The following KHDRBS2 variants were observed in gnomAD, a reference collection of about 807,000 sequenced individuals.
KHDRBS2 encodes KH domain-containing, RNA-binding, signal transduction-associated protein 2.
Under a neutral mutation model 44.3 loss-of-function variants are expected in KHDRBS2, and 26 were observed. The observed-to-expected ratio is 0.59, with a 90% CI of 0.43 to 0.81. The LOEUF (loss-of-function observed/expected upper bound fraction) is 0.81, where lower values mean the gene tolerates loss of function less well. KHDRBS2 is among the 40% of genes least tolerant of loss of function. The pLI is 0.00. For missense variants in KHDRBS2, 476 were observed against 433.1 expected (o/e 1.10, Z -0.88); for synonymous variants, 194 against 151.1 (o/e 1.28, Z -2.08).
the KHDRBS2 span, among the ~76,000 whole-genome samples, chr6:61,566,741 CT>C: frequency 6.6e-6 from 1 of 152,116 alleles, no homozygotes; most frequent in South Asian, 2.1e-4. Flanking sequence ...GCCAATCAAA[CT>C]ATGTTTTCAA....
chr6:61,944,818 C>T (rs1812867238), intron 4 of KHDRBS2, among the ~76,000 whole-genome samples: 1 of 151,644 alleles, frequency 6.6e-6, no homozygotes, highest in South Asian at 2.1e-4. Flanking sequence ...AGGCTGGGAG[C>T]AGTGGCTCAC....
intron 6 of KHDRBS2, among the ~76,000 whole-genome samples, chr6:61,807,003 T>C (rs1300892911): frequency 6.6e-6 from 1 of 152,108 alleles, no homozygotes; most frequent in Non-Finnish European, 1.5e-5. Context: ...CTTCTTGTGA[T>C]GAAACATATT....
chr6:62,038,222 TCA>T (rs1419145821), intron 3 of KHDRBS2, among the ~76,000 whole-genome samples: 1 of 152,064 alleles, frequency 6.6e-6, no homozygotes, highest in Non-Finnish European at 1.5e-5. Context: ...TTCATTTTCC[TCA>T]GTGTTTTTGA....
At chr6:62,043,508 A>G (rs570276993) in intron 3 of KHDRBS2, among the ~76,000 whole-genome samples, 3 of 152,220 alleles carry the variant, frequency 2.0e-5, no homozygotes, top group Admixed American at 1.3e-4. Context: ...CTGTGCAAGC[A>G]TTCCTGGCTG....
chr6:62,194,119 T>C (rs1324081020), intron 1 of KHDRBS2, among the ~76,000 whole-genome samples: 1 of 152,132 alleles, frequency 6.6e-6, no homozygotes, highest in Non-Finnish European at 1.5e-5. Context: ...CATTTAACTT[T>C]CGTGTCATAT....
downstream of KHDRBS2, among the ~76,000 whole-genome samples, chr6:61,677,792 T>C (rs1766028068): frequency 6.6e-6 from 1 of 151,860 alleles, no homozygotes; most frequent in South Asian, 2.1e-4. Context: ...TGCTTTCCTC[T>C]CAAACACATT....
At chr6:62,074,967 A>C (rs1025662840) in intron 2 of KHDRBS2, among the ~76,000 whole-genome samples, 3 of 152,024 alleles carry the variant, frequency 2.0e-5, no homozygotes, top group Non-Finnish European at 4.4e-5. Context: ...TACTTTTAAA[A>C]TTATGATTTT....
chr6:61,728,293 G>T (rs867962860), intron 7 of KHDRBS2, among the ~76,000 whole-genome samples: 15 of 152,094 alleles, frequency 9.9e-5, no homozygotes, highest in African/African-American at 2.7e-4. Context: ...CTTGGAGGGG[G>T]GTTGTGGAGG....
At chr6:61,795,346 C>T (rs951724282) in intron 6 of KHDRBS2, among the ~76,000 whole-genome samples, 7 of 151,752 alleles carry the variant, frequency 4.6e-5, no homozygotes, top group Non-Finnish European at 1.0e-4. Flanking sequence ...ACACAAAAAG[C>T]ACTAAAAGGG....
At chr6:61,550,624 G>C in the KHDRBS2 span, among the ~76,000 whole-genome samples, 19 of 152,010 alleles carry the variant, frequency 1.2e-4, no homozygotes, top group Non-Finnish European at 2.4e-4. Flanking sequence ...TTCAGAAATT[G>C]CCACACTGGT....
intron 4 of KHDRBS2, among the ~76,000 whole-genome samples, chr6:61,923,990 G>A (rs977432429): frequency 6.6e-6 from 1 of 151,910 alleles, no homozygotes; most frequent in Non-Finnish European, 1.5e-5. Context: ...AGAAAAAATT[G>A]TATTTTATTT....
At chr6:61,725,520 C>A (rs1451026961) in intron 7 of KHDRBS2, among the ~76,000 whole-genome samples, 1 of 151,076 alleles carries the variant, frequency 6.6e-6, no homozygotes, top group Non-Finnish European at 1.5e-5. Flanking sequence ...TTTTTTGAAA[C>A]CATTAAAAAA....
chr6:62,205,417 A>G (rs1417087540), intron 1 of KHDRBS2, among the ~76,000 whole-genome samples: 1 of 152,066 alleles, frequency 6.6e-6, no homozygotes, highest in Non-Finnish European at 1.5e-5. Flanking sequence ...TTCCTATTAG[A>G]TCCCCAAATT....
chr6:61,829,789 A>G (rs2127260808), intron 6 of KHDRBS2, among the ~76,000 whole-genome samples: 1 of 152,320 alleles, frequency 6.6e-6, no homozygotes, highest in African/African-American at 2.4e-5. Context: ...TGGTGCAGTA[A>G]CAGTAGTCAG....
chr6:61,738,545 G>C (rs1414835193), intron 6 of KHDRBS2, among the ~76,000 whole-genome samples: 3 of 151,806 alleles, frequency 2.0e-5, no homozygotes, highest in Non-Finnish European at 4.4e-5. Context: ...GTGAAGTGTG[G>C]GTCTAAAATG....
At chr6:62,243,696 G>A (rs1033196269) in intron 1 of KHDRBS2, among the ~76,000 whole-genome samples, 5 of 151,972 alleles carry the variant, frequency 3.3e-5, no homozygotes, top group Non-Finnish European at 7.4e-5. Flanking sequence ...GGAAAAGCAT[G>A]GGTTTCAGTC....
chr6:61,566,048 A>G, the KHDRBS2 span, among the ~76,000 whole-genome samples: 1 of 151,612 alleles, frequency 6.6e-6, no homozygotes. Flanking sequence ...TATGCAATGG[A>G]ATATTATGCA....
At chr6:61,779,768 T>A (rs1782653855) in intron 6 of KHDRBS2, among the ~76,000 whole-genome samples, 2 of 152,154 alleles carry the variant, frequency 1.3e-5, no homozygotes, top group Non-Finnish European at 2.9e-5. Context: ...TAACAATTGT[T>A]GTTCTGCTTA....
At chr6:61,572,369 C>T in the KHDRBS2 span, among the ~76,000 whole-genome samples, 1 of 152,006 alleles carries the variant, frequency 6.6e-6, no homozygotes, top group Non-Finnish European at 1.5e-5. Context: ...CAGATGGATG[C>T]ACAGCTAAAT....
Sources: gnomAD v4.1 joint callset for allele counts (sites outside exome capture counted in the v4.1 genomes callset) on GRCh38, gnomAD v4.1.1 for gene constraint, MANE v1.5 for transcripts, NCBI Gene and HGNC (gene_info 2026-07-23, HGNC 2026-07-21) for gene names.